DGKI: variants seen among roughly 807,000 people sequenced by gnomAD.
DGKI encodes DAG kinase iota.
In DGKI, 55 loss-of-function variants were observed where a neutral mutation model predicts 147.5. That is an observed-to-expected ratio of 0.37 (90% CI 0.30 to 0.47). DGKI has a LOEUF of 0.47. DGKI is among the 20% of genes least tolerant of loss of function. The probability of loss-of-function intolerance (pLI) is 1.00; values close to 1 mark genes in which losing one functional copy is unlikely to be tolerated. For missense variants in DGKI, 1,007 were observed against 1,323.8 expected (o/e 0.76, Z 3.71); for synonymous variants, 469 against 477.1 (o/e 0.98, Z 0.22).
chr7:137,428,723 T>A (rs929641635), intron 28 of DGKI, among the ~76,000 whole-genome samples: 2 of 152,134 alleles, frequency 1.3e-5, no homozygotes, highest in African/African-American at 4.8e-5. Flanking sequence ...ACAAAATCAA[T>A]GTACAAAAAT....
chr7:137,804,169 T>A (rs540482428), intron 1 of DGKI, among the ~76,000 whole-genome samples: 1 of 152,310 alleles, frequency 6.6e-6, no homozygotes, highest in Admixed American at 6.5e-5. Flanking sequence ...TATTGTTAAA[T>A]AGGAAGCAGT....
At position 137,626,633 on chromosome 7, in the gene DGKI, T is replaced by C. The variant is rs184554526; in HGVS notation, c.805-3079A>G. Among the ~76,000 whole-genome samples, 46 of 152,174 alleles carry C rather than the reference T, an allele frequency of 3.0e-4. No individual in the cohort carries two copies. In the East Asian group the frequency reaches 7.4e-3, roughly 24 times the overall value. ...AGCTCCTCATCATCCCCCAAGCCATTTTTCAGGGAGCAAAAAAAGGCTACA... is the reference window on the plus strand; with the variant it reads ...AGCTCCTCATCATCCCCCAAGCCATCTTTCAGGGAGCAAAAAAAGGCTACA... On this transcript the variant is annotated intron_variant, in intron 6 of 32. Coordinates refer to ENST00000614521, the MANE Select transcript of DGKI (RefSeq NM_001321708.2).
intron 3 of DGKI, among the ~76,000 whole-genome samples, chr7:137,664,000 T>C (rs899558705): frequency 6.6e-6 from 1 of 151,912 alleles, no homozygotes; most frequent in Non-Finnish European, 1.5e-5. Context: ...ATAGACATTC[T>C]CGTAATAAGC....
At chr7:137,420,969 A>G (rs1352917177) in intron 28 of DGKI, among the ~76,000 whole-genome samples, 2 of 152,184 alleles carry the variant, frequency 1.3e-5, no homozygotes, top group African/African-American at 4.8e-5. Flanking sequence ...CAGTGAGCCG[A>G]GATCACGCCA....
intron 12 of DGKI, among the ~76,000 whole-genome samples, chr7:137,588,578 G>A (rs964599508): frequency 5.4e-5 from 8 of 148,368 alleles, no homozygotes; most frequent in African/African-American, 7.6e-5. Context: ...CTGGGTTCAC[G>A]CCATTCTCCT....
At chr7:137,840,285 A>C (rs551139945) in intron 1 of DGKI, among the ~76,000 whole-genome samples, 1 of 152,350 alleles carries the variant, frequency 6.6e-6, no homozygotes, top group East Asian at 1.9e-4. Flanking sequence ...TTTTCACCAA[A>C]GTCAATCAGA....
chr7:137,767,554 A>AG (rs1004136919), intron 1 of DGKI, among the ~76,000 whole-genome samples: 10 of 148,274 alleles, frequency 6.7e-5, no homozygotes, highest in African/African-American at 2.3e-4. Context: ...GAAGAGGAAG[A>AG]GAAGAGAAGA....
intron 23 of DGKI, among the ~76,000 whole-genome samples, chr7:137,475,266 C>T (rs1815130241): frequency 6.6e-6 from 1 of 152,130 alleles, no homozygotes; most frequent in African/African-American, 2.4e-5. Flanking sequence ...AACAGAGTGG[C>T]TTTAAACAAA....
intron 1 of DGKI, among the ~76,000 whole-genome samples, chr7:137,731,449 C>T (rs1258769712): frequency 6.6e-6 from 1 of 152,112 alleles, no homozygotes; most frequent in Non-Finnish European, 1.5e-5. Flanking sequence ...GTGCTTGCCA[C>T]ATAGCACAGA....
At chr7:137,741,227 TAA>T (rs1795163992) in intron 1 of DGKI, among the ~76,000 whole-genome samples, 1 of 152,092 alleles carries the variant, frequency 6.6e-6, no homozygotes, top group African/African-American at 2.4e-5. Context: ...TTCTTGATTT[TAA>T]TTAGTAAAAG....
rs796902464 is a variant in DGKI, at chr7:137,691,798, G to GTTTTTT, written c.402-1802_402-1797dup. ...GCTCAGCAAGTGTCTAGACCTTTGG[G>GTTTTTT]TTTTTTTTTTTTTTTTTTTTTTTAA... On this transcript the variant is annotated intron_variant, in intron 1 of 32. Transcript: ENST00000614521. Among the ~76,000 whole-genome samples the GTTTTTT allele has an allele frequency of 5.8e-4, 56 of 95,816 alleles. 1 individual carries two copies. The highest frequency in any genetic ancestry group is 1.9e-3 in the African/African-American group (49 of 25,644). The allele number at this position is 95,816 out of a possible 152,430, so 62.9% of individuals were successfully genotyped here. A position where few individuals can be genotyped will look rare whatever the true frequency, so the allele number is the denominator to read the frequency against.
intron 28 of DGKI, among the ~76,000 whole-genome samples, chr7:137,422,301 G>A (rs1452934475): frequency 6.6e-6 from 1 of 152,084 alleles, no homozygotes; most frequent in Non-Finnish European, 1.5e-5. Flanking sequence ...AGTCACAAAG[G>A]ACCAGCAAAG....
Position 137,555,096 on chromosome 7 carries a change from T to C in DGKI, c.1948-2528A>G, listed in dbSNP as rs140030314. ...CACACCCGGCTAATTTTTTGTATTT[T>C]AGTAGGGACAGGTTTCACCGTGTTG... On this transcript the variant is annotated intron_variant, in intron 19 of 32. Transcript: ENST00000614521. Among the ~76,000 whole-genome samples, 128 of 151,720 alleles carry C rather than the reference T, an allele frequency of 8.4e-4. 1 individual carries two copies. In the East Asian group the frequency reaches 0.023, roughly 27 times the overall value.
chr7:137,587,288 C>A, intron 12 of DGKI, 78 bp from the exon 13 acceptor site: 1 of 1,037,222 alleles, frequency 9.6e-7, no homozygotes, highest in Non-Finnish European at 1.4e-6. Context: ...GAAACAGAGG[C>A]TTCCAAGAGC....
chr7:137,722,851 T>C, intron 1 of DGKI: 1 of 1,044,104 alleles, frequency 9.6e-7, no homozygotes, highest in Non-Finnish European at 1.4e-6. Flanking sequence ...ATTGGTGTTC[T>C]AAATGTCTTA....
intron 27 of DGKI, among the ~76,000 whole-genome samples, chr7:137,444,619 G>A (rs1011567889): frequency 2.0e-5 from 3 of 152,114 alleles, no homozygotes; most frequent in South Asian, 2.1e-4. Flanking sequence ...CCCTCTATTC[G>A]CTGCATTATG....
At chr7:137,788,452 A>G (rs1044402897) in intron 1 of DGKI, among the ~76,000 whole-genome samples, 1 of 152,054 alleles carries the variant, frequency 6.6e-6, no homozygotes, top group Non-Finnish European at 1.5e-5. Context: ...ATGGTTCCCA[A>G]TGTCGAAATC....
intron 1 of DGKI, among the ~76,000 whole-genome samples, chr7:137,767,538 T>G (rs576203037): frequency 4.0e-3 from 243 of 60,026 alleles, no homozygotes; most frequent in Middle Eastern, 0.013. Context: ...AAGAGTAGAG[T>G]AGGAGGAAGA....
At chr7:137,674,707 T>C (rs901385219) in intron 3 of DGKI, among the ~76,000 whole-genome samples, 2 of 152,208 alleles carry the variant, frequency 1.3e-5, no homozygotes, top group African/African-American at 4.8e-5. Context: ...GCCCCACCTC[T>C]GAGTCTGCTC....
Sources: allele counts gnomAD v4.1 joint callset (sites outside exome capture counted in the v4.1 genomes callset), GRCh38; gene constraint gnomAD v4.1.1; transcripts MANE v1.5; gene names NCBI Gene and HGNC (gene_info 2026-07-23, HGNC 2026-07-21).